The following HELZ2 variants were observed in gnomAD, a reference collection of about 807,000 sequenced individuals.
HELZ2 encodes the protein helicase with zinc finger 2.
A neutral mutation model predicts 208.8 loss-of-function variants in HELZ2; 143 were observed. The observed-to-expected ratio is 0.68, with a 90% confidence interval of 0.60 to 0.79. The LOEUF (loss-of-function observed/expected upper bound fraction) is 0.79. Among genes scored for constraint, HELZ2 ranks in the 30% least tolerant of loss-of-function variants. The probability of loss-of-function intolerance (pLI) is 0.00; values close to 1 mark genes in which losing one functional copy is unlikely to be tolerated. For synonymous variants in HELZ2, 1,705 were observed against 1,693.7 expected (o/e 1.01, Z -0.16); for missense variants, 3,690 against 3,794.5 (o/e 0.97, Z 0.72).
chr20:63,561,485 T>C lies in HELZ2; in HGVS notation c.6837-19A>G. 2.5e-6 allele frequency: 4 copies of C among 1,596,664 alleles called. No individual in the cohort carries two copies. The highest frequency in any genetic ancestry group is 3.4e-6 in the Non-Finnish European group (4 of 1,171,424). ...GATGCTCCTGGGGGACAGGACACAGTGAGCCCTGTCCACGCAGGGCCATCA... is the reference window on the plus strand; with the variant it reads ...GATGCTCCTGGGGGACAGGACACAGCGAGCCCTGTCCACGCAGGGCCATCA... On this transcript the variant is annotated intron_variant, in intron 12 of 18. Coordinates refer to ENST00000467148, the Ensembl canonical transcript of HELZ2.
chr20:63,559,986 C>T, exon 18 of HELZ2: 1 of 1,612,270 alleles, frequency 6.2e-7, no homozygotes, highest in Non-Finnish European at 8.5e-7. Flanking sequence ...GGTTGGGGTC[C>T]ACAACGAAGC....
chr20:63,560,214 C>G (rs2082870696), exon 17 of HELZ2: 1 of 1,557,602 alleles, frequency 6.4e-7, no homozygotes. Flanking sequence ...CGGCGATGCC[C>G]TCTCGCCGAA....
In HELZ2 at chr20:63,560,196, G is replaced by A. The variant is rs557476909; in HGVS notation, c.7632C>T (p.Ala2544=). 181 of 1,431,798 alleles carry A rather than the reference G, an allele frequency of 1.3e-4. No homozygotes were observed. The South Asian group carries it at 1.3e-3, about 10-fold the overall frequency. 88.7% of individuals were successfully genotyped at this position (1,431,798 alleles called of 1,614,324 possible). The change falls in exon 17 of 19, where the codon GCC becomes GCT. Residue 2544 remains alanine (A), a synonymous_variant. Transcript: ENST00000467148. ...CCTGGCTCTTGGTGATGGAGGACAC[G>A]GCCACCCCGGCGATGCCCTCTCGCC...
In HELZ2 at chr20:63,568,775, C is replaced by T. The variant is rs745547064; in HGVS notation, c.1313G>A (p.Arg438Gln). The T allele has an allele frequency of 9.3e-6, 15 of 1,610,118 alleles. 1 individual carries two copies. The highest frequency in any genetic ancestry group is 5.5e-5 in the South Asian group (5 of 91,004). ...CCACAGCGCCTGCTCTGAGCTGGCCCGCCTCTCCAGCCGCACCTCGAACAC... is the reference window on the plus strand; with the variant it reads ...CCACAGCGCCTGCTCTGAGCTGGCCTGCCTCTCCAGCCGCACCTCGAACAC... Residue 438 changes from arginine to glutamine, a missense_variant, in exon 5 of 19, where the codon CGG becomes CAG. Physicochemically the swap from Arg to Gln is conservative, Grantham distance 43. Coordinates refer to ENST00000467148, the Ensembl canonical transcript of HELZ2.
exon 13 of HELZ2, chr20:63,561,447 G>C (rs200328586): frequency 6.2e-7 from 1 of 1,609,788 alleles, no homozygotes; most frequent in Non-Finnish European, 8.5e-7. Flanking sequence ...TGCCGGATCC[G>C]GTGGTGCAGG....
rs148612902 is a variant in HELZ2, at chr20:63,560,030, G to A, written c.7723C>T (p.Arg2575Trp). 3.3e-4 allele frequency: 537 copies of A among 1,611,522 alleles called. No individual in the cohort carries two copies. The highest frequency in any genetic ancestry group is 1.7e-3 in the Middle Eastern group (10 of 6,036). The change falls in exon 18 of 19, where the codon CGG (arginine) becomes TGG (tryptophan). Residue 2575 changes from arginine (R) to tryptophan (W), a missense_variant. Arg to Trp is a moderately radical substitution (Grantham distance 101). Around this residue, in one of 3 missense-constraint regions of HELZ2, gnomAD observed 2,564 missense variants for 2,580.5 expected, o/e 0.99. Transcript: ENST00000467148. ...TTCTTGAGCCAGCTCTTGGTGGGCC[G>A]CTGGTCCAGGTCGCTCTTGGCACAG...
At chr20:63,566,075 A>G in exon 8 of HELZ2, 1 of 1,587,560 alleles carries the variant, frequency 6.3e-7, no homozygotes, top group Non-Finnish European at 8.5e-7. Context: ...GCAGAGGGCC[A>G]CGGCGTCCCC....
chr20:63,567,715 C>A, intron 5 of HELZ2, 88 bp from the exon 7 acceptor site: 1 of 1,494,576 alleles, frequency 6.7e-7, no homozygotes, highest in Non-Finnish European at 8.9e-7. Context: ...AGCCGAGCTG[C>A]CCCTGAGCAC....
rs1364882917 is a variant in HELZ2, at chr20:63,568,830, C to T, written c.1258G>A (p.Val420Met). 4 of 1,612,294 alleles carry T rather than the reference C, an allele frequency of 2.5e-6. No individual in the cohort carries two copies. In the South Asian group the frequency reaches 3.3e-5, roughly 13 times the overall value. Residue 420 changes from valine (V) to methionine (M), a missense_variant, in exon 5 of 19, where the codon GTG becomes ATG. This residue lies in a region of HELZ2 where 1,119 missense variants were observed against 1,193.4 expected (regional missense o/e 0.94). Coordinates refer to ENST00000467148, the Ensembl canonical transcript of HELZ2. ...TTGTCGGGTGCAGGTACAGGGGCCA[C>T]CAGGGCTGTGCTGACCGCCCGGCCC...
In HELZ2 at chr20:63,562,629, G is replaced by A. The variant is rs372645222; in HGVS notation, c.6193C>T (p.Arg2065Trp). The A allele has an allele frequency of 5.5e-5, 88 of 1,591,922 alleles. No individual in the cohort carries two copies. The highest frequency in any genetic ancestry group is 4.7e-4 in the African/African-American group (35 of 74,470). ...ATGTGGTGGACGAAGAGGTGCACCC[G>A]TCTGGGAGCCTCCTGCCGGTCTGCC... The change falls in exon 8 of 19, where the codon CGG becomes TGG. Residue 2065 changes from arginine (R) to tryptophan (W), a missense_variant. This residue lies in a region of HELZ2 where 2,564 missense variants were observed against 2,580.5 expected (regional missense o/e 0.99). Transcript: ENST00000467148.
chr20:63,568,435 G>A (rs772562308), exon 5 of HELZ2: 8 of 1,605,336 alleles, frequency 5.0e-6, no homozygotes, highest in Admixed American at 1.7e-5. Flanking sequence ...CCAGCGTGTA[G>A]GTCTTGCCGG....
At position 63,568,899 on chromosome 20, in the gene HELZ2, C is replaced by T. The variant is rs775586692; in HGVS notation, c.1189G>A (p.Val397Ile). 1.2e-5 allele frequency: 20 copies of T among 1,611,204 alleles called. No individual in the cohort carries two copies. Among genetic ancestry groups the T allele is most frequent in the Middle Eastern group, 3.3e-4 (2 of 6,062 alleles). ...GTGTCTGGCATCAGGGAGGAGGGGA[C>T]GGGGACCTCTGCGTACAGTGCTCCC... is the stretch of plus-strand genomic sequence containing the variant. Residue 397 changes from valine to isoleucine, a missense_variant, in exon 5 of 19, where the codon GTC becomes ATC. This residue lies in a region of HELZ2 where 1,119 missense variants were observed against 1,193.4 expected (regional missense o/e 0.94). Coordinates refer to ENST00000467148, the Ensembl canonical transcript of HELZ2.
In HELZ2 at chr20:63,561,457, G is replaced by A. The variant is rs1286214163; in HGVS notation, c.6846C>T (p.Thr2282=). 4 of 1,608,538 alleles carry A rather than the reference G, an allele frequency of 2.5e-6. No homozygotes were observed. In the South Asian group the frequency reaches 4.4e-5, roughly 18 times the overall value. Residue 2282 remains threonine, a synonymous_variant, in exon 13 of 19, where the codon ACC becomes ACT. Coordinates refer to ENST00000467148, the Ensembl canonical transcript of HELZ2. ...GGGCCTGCCGGATCCGGTGGTGCAG[G>A]GTGATGCTCCTGGGGGACAGGACAC...
chr20:63,569,426 C>T, exon 4 of HELZ2: 1 of 1,608,518 alleles, frequency 6.2e-7, no homozygotes, highest in Non-Finnish European at 8.5e-7. Flanking sequence ...CCTGGCCCAG[C>T]TGCAGCCCCA....
rs1044974687 is a variant in HELZ2 at position 63,569,676 on chromosome 20, G to A, written c.571-11C>T. On this transcript the variant is annotated splice_polypyrimidine_tract_variant and intron_variant, in intron 3 of 18. Coordinates refer to ENST00000467148, the Ensembl canonical transcript of HELZ2. ...GTGTAGCAGGGGCTCCTGGAGAGGA[G>A]GCCAGACGGTGAGGGGGGCCCAGGG... 3.3e-6 allele frequency: 5 copies of A among 1,508,746 alleles called. No homozygotes were observed. In the African/African-American group the frequency reaches 5.6e-5, roughly 17 times the overall value. 93.5% of individuals were successfully genotyped at this position (1,508,746 alleles called of 1,614,324 possible).
exon 4 of HELZ2, chr20:63,569,378 G>A (rs768951845): frequency 6.2e-7 from 1 of 1,608,588 alleles, no homozygotes; most frequent in Non-Finnish European, 8.5e-7. Context: ...CCTCAGGGTG[G>A]CCGAGCGCCA....
chr20:63,571,907 G>A (rs1298511219), intron 1 of HELZ2: 91 of 398,688 alleles, frequency 2.3e-4, no homozygotes, highest in East Asian at 3.3e-4. Flanking sequence ...GGCTCTGCCT[G>A]TGGTGGGCTC....
At chr20:63,562,162 G>A (rs2082895532) in exon 10 of HELZ2, 1 of 1,612,000 alleles carries the variant, frequency 6.2e-7, no homozygotes. Context: ...CGGCCTCCGG[G>A]GATGTTGTAG....
chr20:63,570,572 G>T, exon 3 of HELZ2: 1 of 1,613,252 alleles, frequency 6.2e-7, no homozygotes, highest in Non-Finnish European at 8.5e-7. Context: ...ATCAGGGGCT[G>T]GTTGCAGGTG....
Sources: allele counts gnomAD v4.1 joint callset, GRCh38; gene constraint gnomAD v4.1.1; regional missense constraint gnomAD v4.1.1; transcripts MANE v1.5; gene names NCBI Gene and HGNC (gene_info 2026-07-23, HGNC 2026-07-21).